Variants in CRPPA observed in about 807,000 individuals in gnomAD.
The protein encoded by CRPPA is D-ribitol-5-phosphate cytidylyltransferase.
In CRPPA, 43 loss-of-function variants were observed where a neutral mutation model predicts 52.0. That is an observed-to-expected ratio of 0.83 (90% CI 0.65 to 1.07). CRPPA has a LOEUF of 1.07. Ranked by LOEUF, CRPPA falls within the 50% of genes least tolerant of loss-of-function variation. CRPPA has a pLI of 0.00. For synonymous variants in CRPPA, 250 were observed against 203.5 expected (o/e 1.23, Z -1.94); for missense variants, 629 against 551.7 (o/e 1.14, Z -1.40).
At chr7:16,340,603 CAA>C (rs750533622) in intron 3 of CRPPA, among the ~76,000 whole-genome samples, 4 of 77,838 alleles carry the variant, frequency 5.1e-5, no homozygotes, top group Admixed American at 2.6e-4. Flanking sequence ...TAATGTGGAG[CAA>C]AAAAAAAAAA....
At chr7:16,226,537 T>C (rs1443762876) in intron 8 of CRPPA, among the ~76,000 whole-genome samples, 3 of 151,870 alleles carry the variant, frequency 2.0e-5, no homozygotes, top group Non-Finnish European at 4.4e-5. Flanking sequence ...TACACTTGAG[T>C]AGACATTAGC....
intron 9 of CRPPA, among the ~76,000 whole-genome samples, chr7:16,102,193 A>G (rs141386296): frequency 0.012 from 1,778 of 152,122 alleles, 45 homozygotes; most frequent in African/African-American, 0.041. Flanking sequence ...CCTGACAAAA[A>G]CAATCAATGG....
At chr7:16,380,248 C>T (rs1203126883) in intron 2 of CRPPA, among the ~76,000 whole-genome samples, 2 of 151,314 alleles carry the variant, frequency 1.3e-5, no homozygotes, top group African/African-American at 4.9e-5. Context: ...TTGAGATAAT[C>T]ATGTGGTTTT....
At chr7:16,395,976 C>T (rs10224376) in intron 2 of CRPPA, among the ~76,000 whole-genome samples, 34,145 of 152,134 alleles carry the variant, frequency 0.22, 6,563 homozygotes, top group African/African-American at 0.52. Context: ...CCCATAGCAC[C>T]TCAGAGAATA....
chr7:16,360,245 G>A (rs1439485209), intron 3 of CRPPA, among the ~76,000 whole-genome samples: 2 of 152,120 alleles, frequency 1.3e-5, no homozygotes, highest in East Asian at 3.9e-4. Flanking sequence ...TGTTTTTAAA[G>A]CATGCTGTAT....
intron 6 of CRPPA, chr7:16,266,177 T>C (rs1039357826): frequency 6.6e-6 from 1 of 152,230 alleles, no homozygotes; most frequent in African/African-American, 2.4e-5. Flanking sequence ...TTCTGGATCC[T>C]GGATAGTGTA....
At chr7:16,399,610 A>G (rs1203030947) in intron 2 of CRPPA, among the ~76,000 whole-genome samples, 1 of 152,068 alleles carries the variant, frequency 6.6e-6, no homozygotes, top group Non-Finnish European at 1.5e-5. Context: ...GCATGTGTCC[A>G]ACACGTGACT....
chr7:16,196,014 T>A (rs1458756081), intron 9 of CRPPA, among the ~76,000 whole-genome samples: 2 of 152,172 alleles, frequency 1.3e-5, no homozygotes, highest in Admixed American at 6.5e-5. Context: ...CTTCTTAGGA[T>A]AAAGTGAAAG....
chr7:16,149,678 C>T (rs994987047), intron 9 of CRPPA, among the ~76,000 whole-genome samples: 2 of 152,112 alleles, frequency 1.3e-5, no homozygotes, highest in Non-Finnish European at 2.9e-5. Context: ...GTTCTAATTA[C>T]GTCTATATAA....
At chr7:16,400,817 G>T (rs1332747490) in intron 2 of CRPPA, among the ~76,000 whole-genome samples, 4 of 152,220 alleles carry the variant, frequency 2.6e-5, no homozygotes, top group Non-Finnish European at 4.4e-5. Context: ...CCTGACACGT[G>T]TGTGACATTT....
chr7:16,377,137 T>C (rs894853978), intron 2 of CRPPA, among the ~76,000 whole-genome samples: 29 of 152,138 alleles, frequency 1.9e-4, no homozygotes, highest in African/African-American at 6.5e-4. Context: ...AGTCCACACA[T>C]TGGTTTGCAA....
At chr7:16,115,553 A>G (rs996988361) in intron 9 of CRPPA, among the ~76,000 whole-genome samples, 1 of 152,194 alleles carries the variant, frequency 6.6e-6, no homozygotes, top group African/African-American at 2.4e-5. Context: ...TGTGACATGC[A>G]AGGTGCAATG....
intron 6 of CRPPA, chr7:16,269,144 T>C (rs1251321338): frequency 6.6e-6 from 1 of 152,220 alleles, no homozygotes; most frequent in African/African-American, 2.4e-5. Flanking sequence ...CTCTCATCTT[T>C]AACCACAACT....
chr7:16,304,456 C>A (rs1258620215), intron 4 of CRPPA, among the ~76,000 whole-genome samples: 1 of 152,120 alleles, frequency 6.6e-6, no homozygotes, highest in Non-Finnish European at 1.5e-5. Context: ...GCCTGGCCAA[C>A]ATAGTGACAC....
intron 3 of CRPPA, among the ~76,000 whole-genome samples, chr7:16,344,873 T>C (rs533147789): frequency 6.8e-6 from 1 of 147,762 alleles, no homozygotes; most frequent in Non-Finnish European, 1.5e-5. Context: ...TAATGAAGCA[T>C]GCCAAAATAA....
intron 9 of CRPPA, among the ~76,000 whole-genome samples, chr7:16,203,878 A>G: frequency 6.6e-6 from 1 of 152,174 alleles, no homozygotes; most frequent in East Asian, 1.9e-4. Flanking sequence ...TTAAATCATC[A>G]TAAAATTTTA....
intron 5 of CRPPA, among the ~76,000 whole-genome samples, chr7:16,286,038 AATATAAATAT>A (rs1478596091): frequency 0.027 from 468 of 17,458 alleles, 36 homozygotes; most frequent in Middle Eastern, 0.036. Context: ...AAAAAAAAAA[AATATAAATAT>A]ATATATATAT....
At chr7:16,311,139 T>C (rs1785026049) in intron 3 of CRPPA, among the ~76,000 whole-genome samples, 1 of 152,136 alleles carries the variant, frequency 6.6e-6, no homozygotes, top group Non-Finnish European at 1.5e-5. Context: ...CTTGTAAACA[T>C]AGTGGTATGT....
intron 4 of CRPPA, among the ~76,000 whole-genome samples, chr7:16,304,311 G>C (rs1583504923): frequency 6.6e-6 from 1 of 151,846 alleles, no homozygotes; most frequent in East Asian, 1.9e-4. Context: ...TACCCTGCAT[G>C]GTGTGTTGAA....
Sources: gnomAD v4.1 joint callset for allele counts (sites outside exome capture counted in the v4.1 genomes callset) on GRCh38, gnomAD v4.1.1 for gene constraint, MANE v1.5 for transcripts, NCBI Gene and HGNC (gene_info 2026-07-23, HGNC 2026-07-21) for gene names.